Variants in MOB4 observed in about 807,000 individuals in gnomAD.
The protein encoded by MOB4 is MOB-like protein phocein.
A neutral mutation model predicts 32.2 loss-of-function variants in MOB4; 4 were observed. That is an observed-to-expected ratio of 0.12 (90% confidence interval 0.06 to 0.28). The LOEUF (loss-of-function observed/expected upper bound fraction) is 0.28. Among genes scored for constraint, MOB4 ranks in the 10% least tolerant of loss-of-function variants. The pLI is 1.00. For synonymous variants in MOB4, 88 were observed against 88.1 expected (o/e 1.00, Z 0.01); for missense variants, 158 against 271.2 (o/e 0.58, Z 2.93).
intron 1 of MOB4, among the ~76,000 whole-genome samples, chr2:197,522,949 A>C (rs1016979718): frequency 3.9e-5 from 6 of 152,006 alleles, no homozygotes; most frequent in African/African-American, 1.2e-4. Flanking sequence ...CAGGAGGTGG[A>C]GGTTGCAGTG....
chr2:197,546,656 T>C (rs2106137112), intron 5 of MOB4, among the ~76,000 whole-genome samples: 1 of 152,174 alleles, frequency 6.6e-6, no homozygotes, highest in Non-Finnish European at 1.5e-5. Flanking sequence ...CACTTTGGCC[T>C]CCCAAAGTGC....
rs1233183064 is a variant in MOB4, at chr2:197,550,663, A to C, written c.*17A>C. The C allele has an allele frequency of 1.3e-6, 2 of 1,578,178 alleles. No individual in the cohort carries two copies. The highest frequency in any genetic ancestry group is 2.4e-5 in the South Asian group (2 of 83,672). ...GAAGCATGAAGGGAATCATAGGAAA[A>C]ATGTACTGATCATATAATTAACATT... On this transcript the variant is annotated 3_prime_UTR_variant, in exon 8 of 8. Transcript: ENST00000323303.
intron 6 of MOB4, among the ~76,000 whole-genome samples, chr2:197,549,897 A>G (rs1002648328): frequency 1.3e-5 from 2 of 151,940 alleles, no homozygotes; most frequent in African/African-American, 2.4e-5. Flanking sequence ...AAAGGAAAGA[A>G]TAACCTAGTT....
chr2:197,525,876 T>A (rs1197242131), intron 2 of MOB4, among the ~76,000 whole-genome samples: 1 of 152,196 alleles, frequency 6.6e-6, no homozygotes, highest in Non-Finnish European at 1.5e-5. Context: ...AATGTACAGA[T>A]GGTTATCTCT....
In MOB4 at chr2:197,551,272, A is replaced by G. The variant is rs2087093130; in HGVS notation, c.*626A>G. The G allele has an allele frequency of 6.6e-6, 1 of 152,624 alleles. No individual in the cohort carries two copies. The highest frequency in any genetic ancestry group is 6.5e-5 in the Admixed American group (1 of 15,282). 9.5% of individuals were successfully genotyped at this position (152,624 alleles called of 1,614,324 possible). A position where few individuals can be genotyped will look rare whatever the true frequency, so the allele number is the denominator to read the frequency against. On this transcript the variant is annotated 3_prime_UTR_variant, in exon 8 of 8. Transcript: ENST00000323303. ...CTTGGAAAGGATTTACCGTTCTGCA[A>G]CAACGGACTGGTACATACAGGATGA...
At chr2:197,531,726 T>C (rs955144030) in intron 2 of MOB4, among the ~76,000 whole-genome samples, 3 of 151,270 alleles carry the variant, frequency 2.0e-5, no homozygotes, top group African/African-American at 7.3e-5. Context: ...TGTGTTTTTA[T>C]TAGAGATGGG....
Position 197,521,714 on chromosome 2 carries a change from C to T in MOB4, c.61-1910C>T, listed in dbSNP as rs1031312292. Among the ~76,000 whole-genome samples, 21 of 152,290 alleles carry T rather than the reference C, an allele frequency of 1.4e-4. No homozygotes were observed. The Middle Eastern group carries it at 0.01, about 74-fold the overall frequency. On this transcript the variant is annotated intron_variant, in intron 1 of 7. Coordinates refer to ENST00000323303, the MANE Select transcript of MOB4 (RefSeq NM_015387.5). ...GAAAAAGAATTCAGCGATATTTCTC[C>T]CATTTGCTTTTGAAAGAAGAGAAAT...
At chr2:197,529,266 C>G (rs891884577) in intron 2 of MOB4, among the ~76,000 whole-genome samples, 16 of 152,152 alleles carry the variant, frequency 1.1e-4, no homozygotes, top group African/African-American at 3.9e-4. Context: ...CCGCGGCCAG[C>G]TGATCTTCAT....
chr2:197,516,469 ACTAGCATTG>A, intron 1 of MOB4: 1 of 1,099,846 alleles, frequency 9.1e-7, no homozygotes, highest in Non-Finnish European at 1.2e-6. Context: ...GCCCCAGCTG[ACTAGCATTG>A]GAGGGGCGCG....
chr2:197,531,575 C>CT (rs934625200), intron 2 of MOB4, among the ~76,000 whole-genome samples: 11 of 150,950 alleles, frequency 7.3e-5, no homozygotes, highest in African/African-American at 1.5e-4. Flanking sequence ...CTTCAAGTAC[C>CT]TTTTTTTTGA....
At chr2:197,544,879 T>C (rs944210164) in intron 5 of MOB4, among the ~76,000 whole-genome samples, 8 of 152,128 alleles carry the variant, frequency 5.3e-5, no homozygotes, top group Admixed American at 4.6e-4. Context: ...CTATAATGGC[T>C]AAAATAGGAA....
At chr2:197,533,822 T>A (rs987757379) in intron 2 of MOB4, 5 of 609,074 alleles carry the variant, frequency 8.2e-6, no homozygotes, top group Admixed American at 1.8e-5. Flanking sequence ...CACAAGACTT[T>A]AAGACTTTTA....
chr2:197,532,295 T>C (rs1045232556), intron 2 of MOB4, among the ~76,000 whole-genome samples: 3 of 152,236 alleles, frequency 2.0e-5, no homozygotes, highest in African/African-American at 7.2e-5. Context: ...TCTAGATTTC[T>C]TCAAGATTGA....
At chr2:197,536,899 C>G (rs1431135856) in intron 3 of MOB4, among the ~76,000 whole-genome samples, 1 of 148,928 alleles carries the variant, frequency 6.7e-6, no homozygotes, top group Non-Finnish European at 1.5e-5. Flanking sequence ...CCTGACTTGT[C>G]TTTTTTTTTT....
intron 1 of MOB4, among the ~76,000 whole-genome samples, chr2:197,522,412 C>T (rs2086537154): frequency 7.0e-6 from 1 of 143,020 alleles, no homozygotes; most frequent in Non-Finnish European, 1.5e-5. Flanking sequence ...GTCACCACAG[C>T]TTCCGCCTCC....
Position 197,551,268 on chromosome 2 carries a change from T to C in MOB4, c.*622T>C, listed in dbSNP as rs552806888. 2.0e-5 allele frequency: 3 copies of C among 152,748 alleles called. No individual in the cohort carries two copies. The South Asian group carries it at 6.2e-4, about 32-fold the overall frequency. The allele number at this position is 152,748 out of a possible 1,614,324, so 9.5% of individuals were successfully genotyped here. A position where few individuals can be genotyped will look rare whatever the true frequency, so the allele number is the denominator to read the frequency against. Reference sequence around the variant, plus strand: ...CATACTTGGAAAGGATTTACCGTTCTGCAACAACGGACTGGTACATACAGG... The same window carrying C: ...CATACTTGGAAAGGATTTACCGTTCCGCAACAACGGACTGGTACATACAGG... On this transcript the variant is annotated 3_prime_UTR_variant, in exon 8 of 8. Transcript: ENST00000323303.
chr2:197,541,659 C>G (rs2086897028), intron 5 of MOB4, among the ~76,000 whole-genome samples: 1 of 152,192 alleles, frequency 6.6e-6, no homozygotes, highest in African/African-American at 2.4e-5. Context: ...GTGGCTCACG[C>G]CTGTAATCCC....
intron 1 of MOB4, among the ~76,000 whole-genome samples, chr2:197,518,275 T>C (rs2086451070): frequency 6.6e-6 from 1 of 151,974 alleles, no homozygotes; most frequent in South Asian, 2.1e-4. Context: ...CTTTTTTTTG[T>C]TTTTTTCTTG....
intron 1 of MOB4, among the ~76,000 whole-genome samples, chr2:197,520,225 C>T (rs1380246319): frequency 6.6e-6 from 1 of 151,326 alleles, no homozygotes; most frequent in Non-Finnish European, 1.5e-5. Context: ...CTCTGTCTCC[C>T]AGGCTGGAGT....
Sources: allele counts gnomAD v4.1 joint callset (sites outside exome capture counted in the v4.1 genomes callset), GRCh38; gene constraint gnomAD v4.1.1; transcripts MANE v1.5; gene names NCBI Gene and HGNC (gene_info 2026-07-23, HGNC 2026-07-21).